Variants in RBFOX1 observed in about 807,000 individuals in gnomAD.
RBFOX1 encodes the protein RNA binding fox-1 homolog 1, also known as RNA binding protein fox-1 homolog 1.
A neutral mutation model predicts 57.7 loss-of-function variants in RBFOX1; 8 were observed. That is an observed-to-expected ratio of 0.14 (90% confidence interval 0.08 to 0.25). The LOEUF (loss-of-function observed/expected upper bound fraction) is 0.25, where lower values mean the gene tolerates loss of function less well. Ranked by LOEUF, RBFOX1 falls within the 10% of genes least tolerant of loss-of-function variation. RBFOX1 has a pLI of 1.00. For missense variants in RBFOX1, 611 were observed against 548.5 expected (o/e 1.11, Z -1.14); for synonymous variants, 326 against 222.4 (o/e 1.47, Z -4.15).
chr16:6,317,044 G>A lies in RBFOX1; in HGVS notation c.-77G>A, dbSNP rs550900760. On this transcript the variant is annotated 5_prime_UTR_variant, in exon 2 of 16. Transcript: ENST00000550418. ...AGTGGAACTTACAGCTTCCTTGATC[G>A]GACTCAGCATTCAGTAAGTGCAACC... The A allele has an allele frequency of 1.1e-4, 169 of 1,535,056 alleles. 1 individual carries two copies. The East Asian group carries it at 1.3e-3, about 12-fold the overall frequency.
At chr16:7,646,064 T>G (rs2063683063) in intron 11 of RBFOX1, among the ~76,000 whole-genome samples, 1 of 152,134 alleles carries the variant, frequency 6.6e-6, no homozygotes, top group African/African-American at 2.4e-5. Context: ...TGTTAAAATT[T>G]TAATTTAAGG....
intron 3 of RBFOX1, among the ~76,000 whole-genome samples, chr16:6,968,989 A>G (rs752708308): frequency 7.2e-5 from 11 of 152,088 alleles, no homozygotes; most frequent in African/African-American, 2.7e-4. Flanking sequence ...GGGAAGGAAG[A>G]TATCTGAGCA....
chr16:6,487,144 CTGTGTGTGTG>C (rs60180975), intron 2 of RBFOX1, among the ~76,000 whole-genome samples: 1,698 of 140,214 alleles, frequency 0.012, 13 homozygotes, highest in Non-Finnish European at 0.019. Context: ...TGTGGGGTTT[CTGTGTGTGTG>C]TGTGTGTGTG....
chr16:6,152,342 C>T (rs1393372111), intron 1 of RBFOX1, among the ~76,000 whole-genome samples: 2 of 152,142 alleles, frequency 1.3e-5, no homozygotes, highest in Admixed American at 6.5e-5. Flanking sequence ...CTCTCTCTCT[C>T]TCTTTTTAAC....
At chr16:5,849,980 G>A (rs1252037870) in intron 3 of RBFOX1, among the ~76,000 whole-genome samples, 1 of 152,168 alleles carries the variant, frequency 6.6e-6, no homozygotes, top group Non-Finnish European at 1.5e-5. Context: ...GCTCACAGAT[G>A]TTTGTCCTTT....
At chr16:7,125,442 C>T (rs1000566912) in intron 4 of RBFOX1, among the ~76,000 whole-genome samples, 11 of 152,160 alleles carry the variant, frequency 7.2e-5, no homozygotes, top group Admixed American at 6.5e-4. Context: ...GTTTAAACGT[C>T]CAGTTTTCTG....
intron 4 of RBFOX1, chr16:7,431,291 C>T (rs1242220716): frequency 6.6e-6 from 1 of 152,208 alleles, no homozygotes; most frequent in Non-Finnish European, 1.5e-5. Context: ...GTGGTGCAAT[C>T]ATAGAGCTCA....
intron 4 of RBFOX1, among the ~76,000 whole-genome samples, chr16:7,214,688 C>T (rs957097958): frequency 4.6e-5 from 7 of 152,070 alleles, no homozygotes; most frequent in African/African-American, 7.2e-5. Flanking sequence ...AAATCCAGAA[C>T]CCTTCACACA....
At chr16:5,646,383 C>G (rs1183194076) in intron 3 of RBFOX1, among the ~76,000 whole-genome samples, 1 of 152,034 alleles carries the variant, frequency 6.6e-6, no homozygotes, top group Non-Finnish European at 1.5e-5. Flanking sequence ...AAGCAGTCCT[C>G]CTACCTCGGC....
intron 3 of RBFOX1, among the ~76,000 whole-genome samples, chr16:6,970,509 A>G (rs1178421555): frequency 1.3e-5 from 2 of 152,190 alleles, no homozygotes; most frequent in South Asian, 2.1e-4. Context: ...TTCTAAGATC[A>G]GAGACATCAG....
At chr16:6,535,792 ACTGC>A (rs1457400370) in intron 2 of RBFOX1, among the ~76,000 whole-genome samples, 10 of 152,238 alleles carry the variant, frequency 6.6e-5, no homozygotes, top group African/African-American at 2.2e-4. Context: ...TTAATTAGTC[ACTGC>A]CTATTTTTAT....
intron 4 of RBFOX1, among the ~76,000 whole-genome samples, chr16:7,399,279 C>CCCG (rs1345604282): frequency 0.018 from 2,744 of 152,274 alleles, 71 homozygotes; most frequent in African/African-American, 0.061. Context: ...GAAACCCCAT[C>CCCG]TCTACTAAAA....
chr16:7,293,776 C>G (rs564212727), intron 4 of RBFOX1, among the ~76,000 whole-genome samples: 1 of 152,064 alleles, frequency 6.6e-6, no homozygotes, highest in Admixed American at 6.5e-5. Flanking sequence ...AACCTAGTTT[C>G]GTATGATTCC....
chr16:6,999,647 C>G (rs1211686010), intron 3 of RBFOX1, among the ~76,000 whole-genome samples: 4 of 152,016 alleles, frequency 2.6e-5, no homozygotes, highest in Non-Finnish European at 4.4e-5. Flanking sequence ...ATCTTCTTCT[C>G]CCTTCCCCAT....
intron 2 of RBFOX1, among the ~76,000 whole-genome samples, chr16:5,567,644 A>C (rs1170337158): frequency 6.8e-6 from 1 of 148,062 alleles, no homozygotes; most frequent in Admixed American, 6.7e-5. Flanking sequence ...GCAAAAAAAA[A>C]AAAAAAAAAA....
chr16:6,805,633 G>C (rs147438467), intron 3 of RBFOX1, among the ~76,000 whole-genome samples: 31 of 149,964 alleles, frequency 2.1e-4, no homozygotes, highest in Admixed American at 5.9e-4. Flanking sequence ...GTATCTCTTC[G>C]AGGATGTTTA....
At chr16:7,461,918 A>G (rs892349537) in intron 4 of RBFOX1, among the ~76,000 whole-genome samples, 1 of 152,070 alleles carries the variant, frequency 6.6e-6, no homozygotes, top group East Asian at 1.9e-4. Context: ...AGAGACTTCT[A>G]CCCTCCCATT....
chr16:5,791,550 A>G (rs1188287537), intron 3 of RBFOX1, among the ~76,000 whole-genome samples: 1 of 152,164 alleles, frequency 6.6e-6, no homozygotes, highest in Non-Finnish European at 1.5e-5. Context: ...CAGGCAGCAC[A>G]CAAAAGTCTG....
rs73490684 is a variant in RBFOX1 at position 7,634,746 on chromosome 16, T to A, written c.757+4063T>A. Among the ~76,000 whole-genome samples the A allele has an allele frequency of 4.0e-3, 609 of 152,270 alleles. 4 individuals are homozygous for A. The highest frequency in any genetic ancestry group is 0.014 in the African/African-American group (565 of 41,556). On this transcript the variant is annotated intron_variant, in intron 11 of 15. Coordinates refer to ENST00000550418, the MANE Select transcript of RBFOX1 (RefSeq NM_018723.4). The stretch of plus-strand genomic sequence containing the variant: ...CGTCACCCCTGAACTTCATGCAGGT[T>A]TAAAACCCTAGTTCAAATTGTGTCA...
Sources: gnomAD v4.1 joint callset for allele counts (sites outside exome capture counted in the v4.1 genomes callset) on GRCh38, gnomAD v4.1.1 for gene constraint, MANE v1.5 for transcripts, NCBI Gene and HGNC (gene_info 2026-07-23, HGNC 2026-07-21) for gene names.